The following IFT122 variants were observed in gnomAD, a reference collection of about 807,000 sequenced individuals.
The protein encoded by IFT122 is intraflagellar transport 122.
A neutral mutation model predicts 161.6 loss-of-function variants in IFT122; 118 were observed. The ratio of observed to expected loss-of-function variants is 0.73; its 90% CI spans 0.63 to 0.85. The LOEUF is 0.85. Ranked by LOEUF, IFT122 falls within the 40% of genes least tolerant of loss-of-function variation. The probability of loss-of-function intolerance (pLI) is 0.00; values close to 1 mark genes in which losing one functional copy is unlikely to be tolerated. For synonymous variants in IFT122, 550 were observed against 602.4 expected, an observed-to-expected ratio of 0.91 and a Z score of 1.27; for missense variants, 1,381 against 1,579.6, an observed-to-expected ratio of 0.87 and a Z score of 2.13.
intron 16 of IFT122, among the ~76,000 whole-genome samples, chr3:129,490,379 A>G (rs1277699869): frequency 6.6e-6 from 1 of 152,178 alleles, no homozygotes; most frequent in Non-Finnish European, 1.5e-5. Context: ...ACTAGATGGC[A>G]GAGAAGAGCT....
Position 129,464,801 on chromosome 3 carries a change from CCTT to C in IFT122, c.563+23_563+25del. ...TTCAAGGTACTCTTAAAGTTGTCCT[CCTT>C]CTAGAACAAACACCATCATGAAGAA... On this transcript the variant is annotated intron_variant, in intron 7 of 29. Coordinates refer to ENST00000348417, the MANE Select transcript of IFT122 (RefSeq NM_052989.3). The C allele has an allele frequency of 6.8e-6, 11 of 1,613,790 alleles. No individual in the cohort carries two copies. The highest frequency in any genetic ancestry group is 1.3e-5 in the African/African-American group (1 of 75,020).
intron 3 of IFT122, among the ~76,000 whole-genome samples, chr3:129,453,137 C>T (rs1362685460): frequency 1.3e-5 from 2 of 152,044 alleles, no homozygotes; most frequent in Non-Finnish European, 2.9e-5. Flanking sequence ...GAGAGAACTG[C>T]TGGAACAGAG....
chr3:129,463,434 T>G, intron 5 of IFT122, 126 bp from the exon 6 acceptor site: 1 of 765,164 alleles, frequency 1.3e-6, no homozygotes, highest in Non-Finnish European at 2.3e-6. Context: ...GAGATTATGT[T>G]TTTTCATTCA....
At chr3:129,501,551 T>C (rs2081549841) in intron 19 of IFT122, among the ~76,000 whole-genome samples, 1 of 152,246 alleles carries the variant, frequency 6.6e-6, no homozygotes, top group Non-Finnish European at 1.5e-5. Context: ...GGGGTTCATA[T>C]AGAAGAGAGC....
At chr3:129,506,901 AAC>A (rs1219246650) in intron 22 of IFT122, among the ~76,000 whole-genome samples, 1 of 152,346 alleles carries the variant, frequency 6.6e-6, no homozygotes, top group Non-Finnish European at 1.5e-5. Flanking sequence ...GCTTTACAGT[AAC>A]ACACTCCAGA....
intron 1 of IFT122, among the ~76,000 whole-genome samples, chr3:129,441,634 C>T (rs1298926512): frequency 6.6e-6 from 1 of 152,114 alleles, no homozygotes; most frequent in East Asian, 1.9e-4. Flanking sequence ...ACAGACGTGG[C>T]AAACTCAAAT....
At chr3:129,442,700 AG>A (rs1197428142) in intron 1 of IFT122, among the ~76,000 whole-genome samples, 3 of 152,148 alleles carry the variant, frequency 2.0e-5, no homozygotes, top group African/African-American at 7.2e-5. Flanking sequence ...TTCACATAGC[AG>A]CAGGAACTCT....
Position 129,476,359 on chromosome 3 carries a change from CTACTT to C in IFT122, c.866_870del (p.Phe289Ter), listed in dbSNP as rs770612893. ...TGAACTTTGACCCCTGCTGCATCAGCTACTTTACTAAAGGCGAGTACATTTTGCTG... is the reference window on the plus strand; with the variant it reads ...TGAACTTTGACCCCTGCTGCATCAGCTACTAAAGGCGAGTACATTTTGCTG... On this transcript the variant is annotated frameshift_variant, in exon 10 of 30. Coordinates refer to ENST00000348417, the MANE Select transcript of IFT122 (RefSeq NM_052989.3). LOFTEE classifies it high-confidence loss of function. 3 of 1,614,188 alleles carry C rather than the reference CTACTT, an allele frequency of 1.9e-6. No individual in the cohort carries two copies. The highest frequency in any genetic ancestry group is 2.5e-6 in the Non-Finnish European group (3 of 1,180,038).
intron 21 of IFT122, among the ~76,000 whole-genome samples, chr3:129,505,890 G>A (rs2082138434): frequency 6.6e-6 from 1 of 152,174 alleles, no homozygotes; most frequent in Non-Finnish European, 1.5e-5. Flanking sequence ...CCTTGGGTGT[G>A]ACACTTTACC....
Position 129,464,826 on chromosome 3 carries a change from A to G in IFT122, c.563+45A>G, listed in dbSNP as rs1020774681. 3 of 1,609,754 alleles carry G rather than the reference A, an allele frequency of 1.9e-6. No individual in the cohort carries two copies. In the African/African-American group the frequency reaches 4.0e-5, roughly 22 times the overall value. On this transcript the variant is annotated intron_variant, in intron 7 of 29. Transcript: ENST00000348417. ...CCTTCTAGAACAAACACCATCATGAAGAAGGGCTTTTTGTCTTCCTGAGGT... is the reference window on the plus strand; with the variant it reads ...CCTTCTAGAACAAACACCATCATGAGGAAGGGCTTTTTGTCTTCCTGAGGT...
intron 18 of IFT122, among the ~76,000 whole-genome samples, chr3:129,499,131 A>G (rs1428281102): frequency 1.3e-5 from 2 of 152,154 alleles, no homozygotes; most frequent in African/African-American, 2.4e-5. Flanking sequence ...AGATTCCCCC[A>G]TGGCCTCCTG....
chr3:129,455,706 G>A (rs907808923), intron 3 of IFT122, among the ~76,000 whole-genome samples: 1 of 151,994 alleles, frequency 6.6e-6, no homozygotes, highest in African/African-American at 2.4e-5. Context: ...ATAGCCTACT[G>A]TTGACCAGAA....
intron 26 of IFT122, among the ~76,000 whole-genome samples, chr3:129,516,941 GCACACACACAGAGACTGCCCCTACA>G (rs1172944647): frequency 2.0e-5 from 2 of 98,882 alleles, no homozygotes; most frequent in African/African-American, 8.0e-5. Flanking sequence ...GACTGCCCCT[GCACACACACAGAGACTGCCCCTACA>G]CACACACACA....
chr3:129,459,744 TCTTCCTTC>T lies in IFT122; in HGVS notation c.272+1091_272+1098del, dbSNP rs68095952. 9.6e-4 allele frequency among the ~76,000 whole-genome samples: 95 copies of T among 98,628 alleles called. 2 individuals carry two copies. The highest frequency in any genetic ancestry group is 2.9e-3 in the African/African-American group (67 of 22,962). 64.7% of individuals were successfully genotyped at this position (98,628 alleles called of 152,430 possible). ...TCCTTCCTTCCCTCCCTCCCTCCCT[TCTTCCTTC>T]CTTCCTTCCTTCCTTCCTTCCTTTC... On this transcript the variant is annotated intron_variant, in intron 4 of 29. Coordinates refer to ENST00000348417, the MANE Select transcript of IFT122 (RefSeq NM_052989.3).
rs1239132782 is a variant in IFT122, at chr3:129,519,152, A to T, written c.3437A>T (p.Asp1146Val). 1 of 1,613,958 alleles carries T rather than the reference A, an allele frequency of 6.2e-7. No homozygotes were observed. The highest frequency in any genetic ancestry group is 1.3e-5 in the African/African-American group (1 of 74,920). ...RLVETKDSIG[D>V]EDPFTAKLSF... is the part of the protein sequence containing the mutation. ...GTGGAGACCAAGGACTCCATCGGAG[A>T]TGAGGACCCGTTCACAGCTAAGCTG... is the stretch of plus-strand genomic sequence containing the variant. Residue 1146 changes from aspartate to valine, a missense_variant, in exon 28 of 30, where the codon GAT (aspartate) becomes GTT (valine). By Grantham distance (152) the Asp-to-Val change is radical. Transcript: ENST00000348417.
intron 4 of IFT122, among the ~76,000 whole-genome samples, chr3:129,459,128 A>ATT (rs2075868570): frequency 6.6e-6 from 1 of 152,104 alleles, no homozygotes; most frequent in African/African-American, 2.4e-5. Context: ...TCAGACTCAA[A>ATT]TGTCAGTTTC....
intron 12 of IFT122, among the ~76,000 whole-genome samples, chr3:129,479,128 G>A (rs2078322289): frequency 6.6e-6 from 1 of 151,916 alleles, no homozygotes; most frequent in South Asian, 2.1e-4. Context: ...TCTCTCAAAA[G>A]CCTAGAACTG....
At chr3:129,476,582 C>G in intron 10 of IFT122, 76 bp downstream of exon 10, 1 of 1,613,306 alleles carries the variant, frequency 6.2e-7, no homozygotes, top group East Asian at 2.2e-5. Flanking sequence ...CGAGTCACAT[C>G]ACTGGGGTTT....
intron 26 of IFT122, among the ~76,000 whole-genome samples, chr3:129,516,098 GCACA>G (rs63122960): frequency 1.9e-4 from 25 of 132,280 alleles, no homozygotes; most frequent in Non-Finnish European, 3.7e-4. Context: ...GACTGCTCCT[GCACA>G]CACACACACA....
Sources: allele counts gnomAD v4.1 joint callset (sites outside exome capture counted in the v4.1 genomes callset), GRCh38; gene constraint gnomAD v4.1.1; transcripts MANE v1.5; gene names NCBI Gene and HGNC (gene_info 2026-07-23, HGNC 2026-07-21).